The following SLC14A2 variants were observed in gnomAD, a reference collection of about 807,000 sequenced individuals.
SLC14A2 encodes solute carrier family 14 member 2.
In SLC14A2, 91 loss-of-function variants were observed where a neutral mutation model predicts 104.6. That is an observed-to-expected ratio of 0.87 (90% CI 0.73 to 1.04). The LOEUF is 1.04. Among genes scored for constraint, SLC14A2 ranks in the 50% least tolerant of loss-of-function variants. SLC14A2 has a pLI of 0.00. For missense variants in SLC14A2, 1,189 were observed against 1,156.0 expected (o/e 1.03, Z -0.41); for synonymous variants, 476 against 466.4 (o/e 1.02, Z -0.27).
At chr18:45,574,366 A>G (rs942375979) in intron 2 of SLC14A2, among the ~76,000 whole-genome samples, 20 of 152,200 alleles carry the variant, frequency 1.3e-4, no homozygotes, top group Non-Finnish European at 2.8e-4. Flanking sequence ...TTAGGTCCAG[A>G]ATATCCCATA....
chr18:45,534,267 G>A (rs1218332077), intron 2 of SLC14A2, among the ~76,000 whole-genome samples: 2 of 152,138 alleles, frequency 1.3e-5, no homozygotes, highest in Admixed American at 6.5e-5. Flanking sequence ...TGAGGTTGGA[G>A]GGATGATTCT....
At chr18:45,407,186 A>G (rs187840019) in intron 1 of SLC14A2, among the ~76,000 whole-genome samples, 43 of 152,274 alleles carry the variant, frequency 2.8e-4, no homozygotes, top group Non-Finnish European at 5.1e-4. Context: ...ACCTTCATCA[A>G]TGATCTTGGC....
chr18:45,626,840 T>A (rs2144509602), intron 3 of SLC14A2, 118 bp from the exon 4 acceptor site: 17 of 377,110 alleles, frequency 4.5e-5, no homozygotes, highest in East Asian at 1.3e-4. Flanking sequence ...CTGGCCTGGC[T>A]GAATGGGAAG....
intron 1 of SLC14A2, among the ~76,000 whole-genome samples, chr18:45,322,630 G>A (rs1353946245): frequency 1.3e-5 from 2 of 152,166 alleles, no homozygotes; most frequent in African/African-American, 4.8e-5. Flanking sequence ...TTGCAATTAG[G>A]AAATTCTTTT....
intron 1 of SLC14A2, among the ~76,000 whole-genome samples, chr18:45,389,783 C>A (rs762940722): frequency 6.6e-6 from 1 of 152,154 alleles, no homozygotes; most frequent in Non-Finnish European, 1.5e-5. Flanking sequence ...CCCACACTCA[C>A]CCCCACTCCA....
At chr18:45,433,156 A>G (rs1269247808) in intron 1 of SLC14A2, among the ~76,000 whole-genome samples, 1 of 152,098 alleles carries the variant, frequency 6.6e-6, no homozygotes, top group Non-Finnish European at 1.5e-5. Context: ...CCTGACCCCA[A>G]CATTTACTAC....
At chr18:45,538,992 C>A (rs1598979002) in intron 2 of SLC14A2, among the ~76,000 whole-genome samples, 1 of 152,020 alleles carries the variant, frequency 6.6e-6, no homozygotes, top group African/African-American at 2.4e-5. Context: ...ATATGGCAGG[C>A]CTGTGTAAAG....
chr18:45,560,250 C>A (rs1016516264), intron 2 of SLC14A2, among the ~76,000 whole-genome samples: 1 of 152,110 alleles, frequency 6.6e-6, no homozygotes, highest in African/African-American at 2.4e-5. Flanking sequence ...GGTGTATTAT[C>A]TCTTTTCTAA....
chr18:45,242,380 G>A (rs1484912488), intron 1 of SLC14A2, among the ~76,000 whole-genome samples: 6 of 152,180 alleles, frequency 3.9e-5, no homozygotes, highest in African/African-American at 1.4e-4. Context: ...AGTCAAAGGC[G>A]GCAGAGCAGC....
chr18:45,252,023 G>T (rs2084428876), intron 1 of SLC14A2, among the ~76,000 whole-genome samples: 1 of 152,130 alleles, frequency 6.6e-6, no homozygotes, highest in Non-Finnish European at 1.5e-5. Context: ...TTGCTTTAGT[G>T]CAACAGCTTG....
chr18:45,442,129 T>G (rs2086691138), intron 1 of SLC14A2, among the ~76,000 whole-genome samples: 1 of 152,166 alleles, frequency 6.6e-6, no homozygotes, highest in Admixed American at 6.5e-5. Context: ...CAGATCCAAG[T>G]TTGAATACTG....
chr18:45,240,533 T>C (rs1489210303), intron 1 of SLC14A2, among the ~76,000 whole-genome samples: 1 of 152,172 alleles, frequency 6.6e-6, no homozygotes, highest in Admixed American at 6.5e-5. Context: ...TTAGATCTTC[T>C]ATGTTCTAAA....
In SLC14A2 at chr18:45,414,758, ATATATATATATATATATATATATAT is replaced by A. The variant is rs1276878816; in HGVS notation, c.-124-68474_-124-68450del. 1.1e-3 allele frequency among the ~76,000 whole-genome samples: 53 copies of A among 50,086 alleles called. 2 individuals carry two copies. The highest frequency in any genetic ancestry group is 4.5e-3 in the Admixed American group (17 of 3,814). The allele number at this position is 50,086 out of a possible 152,430, so 32.9% of individuals were successfully genotyped here. ...GGCACCGAGCGTAAAAAAAAAAAAA[ATATATATATATATATATATATATAT>A]ATATATATATATAGAAAAGTACAGT... On this transcript the variant is annotated intron_variant, in intron 1 of 20. Transcript: ENST00000586448.
chr18:45,633,242 T>C (rs955700489), intron 5 of SLC14A2, among the ~76,000 whole-genome samples: 1 of 152,206 alleles, frequency 6.6e-6, no homozygotes, highest in Non-Finnish European at 1.5e-5. Context: ...CCAAATCCAA[T>C]CTGCACTATT....
At chr18:45,336,371 C>T (rs1350713949) in intron 1 of SLC14A2, among the ~76,000 whole-genome samples, 1 of 151,796 alleles carries the variant, frequency 6.6e-6, no homozygotes, top group African/African-American at 2.4e-5. Flanking sequence ...GCAGGGAACC[C>T]TAATTAACAT....
At chr18:45,191,240 T>C in the SLC14A2 span, among the ~76,000 whole-genome samples, 1 of 152,146 alleles carries the variant, frequency 6.6e-6, no homozygotes, top group Non-Finnish European at 1.5e-5. Context: ...CCAATTCCCC[T>C]CTGTTAGCCC....
exon 2 of SLC14A2, chr18:45,483,262 A>G (rs1247145720): frequency 2.6e-5 from 4 of 152,212 alleles, no homozygotes; most frequent in Admixed American, 1.3e-4. Flanking sequence ...CTTGTGGTCA[A>G]CTAAGTAGAG....
In SLC14A2 at chr18:45,414,009, G is replaced by A. The variant is rs929060625; in HGVS notation, c.-124-69224G>A. On this transcript the variant is annotated intron_variant, in intron 1 of 20. Transcript: ENST00000586448. ...ATTTGAAGAATGAGACCTGTGCCTCGTACAAAAAAAGTATTCAATTAAAGA... is the reference window on the plus strand; with the variant it reads ...ATTTGAAGAATGAGACCTGTGCCTCATACAAAAAAAGTATTCAATTAAAGA... Among the ~76,000 whole-genome samples, 16 of 152,080 alleles carry A rather than the reference G, an allele frequency of 1.1e-4. No homozygotes were observed. In the East Asian group the frequency reaches 1.2e-3, roughly 11 times the overall value.
At chr18:45,185,589 C>CA in the SLC14A2 span, among the ~76,000 whole-genome samples, 1 of 152,216 alleles carries the variant, frequency 6.6e-6, no homozygotes, top group South Asian at 2.1e-4. Context: ...AGGAAGAAGA[C>CA]AAGGATGTCT....
Sources: allele counts gnomAD v4.1 joint callset (sites outside exome capture counted in the v4.1 genomes callset), GRCh38; gene constraint gnomAD v4.1.1; transcripts MANE v1.5; gene names NCBI Gene and HGNC (gene_info 2026-07-23, HGNC 2026-07-21).